TRPC3: variants seen among roughly 807,000 people sequenced by gnomAD.
TRPC3 encodes short transient receptor potential channel 3.
TRPC3 carries 54 observed loss-of-function variants against 90.9 expected under a neutral mutation model. The ratio of observed to expected loss-of-function variants is 0.59; its 90% confidence interval spans 0.48 to 0.75. The LOEUF is 0.75. Among genes scored for constraint, TRPC3 ranks in the 30% least tolerant of loss-of-function variants. The pLI, the probability that TRPC3 is intolerant of heterozygous loss-of-function variation, is 0.00. For synonymous variants in TRPC3, 424 were observed against 450.9 expected, an observed-to-expected ratio of 0.94 and a Z score of 0.75; for missense variants, 918 against 1,194.5, an observed-to-expected ratio of 0.77 and a Z score of 3.41.
intron 9 of TRPC3, among the ~76,000 whole-genome samples, chr4:121,901,585 A>C (rs1444535346): frequency 6.6e-6 from 1 of 152,258 alleles, no homozygotes; most frequent in African/African-American, 2.4e-5. Context: ...TCAAATGTAC[A>C]GGAAAGCACT....
chr4:121,904,708 G>A (rs1435233323), intron 7 of TRPC3, among the ~76,000 whole-genome samples, 191 bp from the exon 8 acceptor site: 1 of 152,134 alleles, frequency 6.6e-6, no homozygotes, highest in African/African-American at 2.4e-5. Context: ...AGGAACTGAT[G>A]ATTAAATGGT....
At chr4:121,903,111 T>C (rs1421180915) in intron 8 of TRPC3, 50 bp from the exon 9 acceptor site, 2 of 1,501,642 alleles carry the variant, frequency 1.3e-6, no homozygotes, top group Admixed American at 2.1e-5. Flanking sequence ...CTAAATATTC[T>C]AGTGACTGTT....
intron 10 of TRPC3, among the ~76,000 whole-genome samples, chr4:121,890,177 G>T (rs1172030999): frequency 3.9e-5 from 6 of 152,146 alleles, no homozygotes; most frequent in African/African-American, 1.4e-4. Flanking sequence ...AGGGGGAATG[G>T]GAAGTAGGGA....
chr4:121,879,222 A>G lies in TRPC3; in HGVS notation c.*514T>C, dbSNP rs1727856517. On this transcript the variant is annotated 3_prime_UTR_variant, in exon 12 of 12. Coordinates refer to ENST00000379645, the MANE Select transcript of TRPC3 (RefSeq NM_001130698.2). Reference sequence around the variant, plus strand: ...TCATAGCTGGTTGTAAAATGTCTTCAGTTTCTATTAAAAAAAAAAAAAAAA... The same window carrying G: ...TCATAGCTGGTTGTAAAATGTCTTCGGTTTCTATTAAAAAAAAAAAAAAAA... 6.8e-6 allele frequency: 1 copy of G among 147,206 alleles called. No homozygotes were observed. Among genetic ancestry groups the G allele is most frequent in the Non-Finnish European group, 1.5e-5 (1 of 67,316 alleles). The allele number at this position is 147,206 out of a possible 1,614,324, so 9.1% of individuals were successfully genotyped here.
rs879152703 is a variant in TRPC3, at chr4:121,951,752, C to T, written c.-72G>A. On this transcript the variant is annotated 5_prime_UTR_variant, in exon 1 of 12. Coordinates refer to ENST00000379645, the MANE Select transcript of TRPC3 (RefSeq NM_001130698.2). The surrounding 1 kb of genome is among the most constrained non-coding windows in gnomAD (Gnocchi z 4.4). The stretch of plus-strand genomic sequence containing the variant: ...TCCGCCTTCGCGGCAGTGCAGTCTT[C>T]CCGCGGCGCCCCTTCACCACCTCCC... 1.1e-5 allele frequency: 13 copies of T among 1,208,616 alleles called. No homozygotes were observed. Among genetic ancestry groups the T allele is most frequent in the African/African-American group, 6.4e-5 (4 of 62,970 alleles). The allele number at this position is 1,208,616 out of a possible 1,614,324, so 74.9% of individuals were successfully genotyped here.
At chr4:121,948,366 T>TC (rs1319728394) in intron 1 of TRPC3, among the ~76,000 whole-genome samples, 1 of 68,610 alleles carries the variant, frequency 1.5e-5, no homozygotes, top group Non-Finnish European at 3.5e-5. Context: ...TCTAGCTGGT[T>TC]TTTTTTTTTT....
intron 1 of TRPC3, among the ~76,000 whole-genome samples, chr4:121,939,541 G>A (rs35109910): frequency 0.13 from 19,245 of 152,262 alleles, 1,452 homozygotes; most frequent in South Asian, 0.2. Flanking sequence ...TCAATAAGGT[G>A]AGGAAGTACC....
chr4:121,922,176 C>T (rs532894386), intron 3 of TRPC3, among the ~76,000 whole-genome samples: 2 of 151,952 alleles, frequency 1.3e-5, no homozygotes, highest in South Asian at 2.1e-4. Flanking sequence ...CCTGCCTCGG[C>T]CCCCCAAAGT....
rs961656870 is a variant in TRPC3, at chr4:121,951,045, T to C, written c.215+421A>G. Among the ~76,000 whole-genome samples the C allele has an allele frequency of 6.6e-6, 1 of 152,140 alleles. No homozygotes were observed. Among genetic ancestry groups the C allele is most frequent in the Non-Finnish European group, 1.5e-5 (1 of 68,020 alleles). The stretch of plus-strand genomic sequence containing the variant: ...AAGTGCGCGCCTGGGTCTGTGCACA[T>C]CTTCCCCTTCCTCGGCCTCCCTGGG... On this transcript the variant is annotated intron_variant, in intron 1 of 11. Coordinates refer to ENST00000379645, the MANE Select transcript of TRPC3 (RefSeq NM_001130698.2). This position sits in a 1 kb window ranked among gnomAD's most constrained non-coding sequence, Gnocchi z 4.4.
At chr4:121,949,283 G>C (rs934302227) in intron 1 of TRPC3, among the ~76,000 whole-genome samples, 2 of 152,146 alleles carry the variant, frequency 1.3e-5, no homozygotes, top group African/African-American at 4.8e-5. Context: ...TACAGCAGGT[G>C]ACACTTTTCC....
Position 121,910,361 on chromosome 4 carries a change from G to A in TRPC3, c.1585C>T (p.Leu529Phe), listed in dbSNP as rs1246981889. Residue 529 changes from leucine (L) to phenylalanine (F), a missense_variant, in exon 6 of 12, where the codon CTC becomes TTC. By Grantham distance (22) the Leu-to-Phe change is conservative. Transcript: ENST00000379645. ...LGMMWSECKELWLEGPREYIL... is the reference protein window; with the variant it reads ...LGMMWSECKEFWLEGPREYIL... ...TATTCCCTAGGTCCTTCCAGCCAGAGCTCTTTACATTCAGACCACATCATT... is the reference window on the plus strand; with the variant it reads ...TATTCCCTAGGTCCTTCCAGCCAGAACTCTTTACATTCAGACCACATCATT... 2 of 1,613,600 alleles carry A rather than the reference G, an allele frequency of 1.2e-6. No homozygotes were observed. Among genetic ancestry groups the A allele is most frequent in the Admixed American group, 3.3e-5 (2 of 59,962 alleles).
rs1728811735 is a variant in TRPC3 at position 121,904,376 on chromosome 4, G to A, written c.2199C>T (p.Val733=). The A allele has an allele frequency of 1.9e-6, 3 of 1,598,184 alleles. No homozygotes were observed. Among genetic ancestry groups the A allele is most frequent in the African/African-American group, 1.4e-5 (1 of 73,828 alleles). ...TAGCAATTAGCATGTTGAGTAAAAC[G>A]ACCACCATAGTTACATTGTATATTC... is the stretch of plus-strand genomic sequence containing the variant. The part of the protein sequence containing the change: ...LYGIYNVTMV[V]VLLNMLIAMI... Residue 733 remains valine (V), a synonymous_variant, in exon 8 of 12, where the codon GTC becomes GTT. Coordinates refer to ENST00000379645, the MANE Select transcript of TRPC3 (RefSeq NM_001130698.2).
At chr4:121,898,358 C>A (rs1422857040) in intron 10 of TRPC3, among the ~76,000 whole-genome samples, 1 of 152,204 alleles carries the variant, frequency 6.6e-6, no homozygotes, top group Non-Finnish European at 1.5e-5. Flanking sequence ...ACCGCTTGAG[C>A]TCCACCTCCT....
intron 3 of TRPC3, 130 bp downstream of exon 3, chr4:121,924,888 A>C: frequency 9.9e-7 from 1 of 1,011,576 alleles, no homozygotes; most frequent in Non-Finnish European, 1.4e-6. Context: ...TTGTACAGAC[A>C]CAGTCTCATT....
At chr4:121,939,986 T>C (rs1730250979) in intron 1 of TRPC3, among the ~76,000 whole-genome samples, 1 of 152,196 alleles carries the variant, frequency 6.6e-6, no homozygotes, top group Admixed American at 6.5e-5. Flanking sequence ...TGAGCAAGTT[T>C]ATCCAAATAA....
At chr4:121,931,939 T>C (rs1477047694) in intron 2 of TRPC3, among the ~76,000 whole-genome samples, 1 of 152,166 alleles carries the variant, frequency 6.6e-6, no homozygotes, top group East Asian at 1.9e-4. Context: ...GAGGAAGGAT[T>C]TGGAAGACAA....
chr4:121,943,617 T>C (rs1730394656), intron 1 of TRPC3, among the ~76,000 whole-genome samples: 1 of 152,146 alleles, frequency 6.6e-6, no homozygotes, highest in Non-Finnish European at 1.5e-5. Flanking sequence ...AAATTCAGTC[T>C]ATACTTGAAC....
chr4:121,899,521 T>C (rs1728630979), intron 10 of TRPC3, 91 bp downstream of exon 10: 5 of 1,068,182 alleles, frequency 4.7e-6, no homozygotes, highest in Non-Finnish European at 7.1e-6. Context: ...ATCTCAAGAA[T>C]ATAACTCAAC....
intron 10 of TRPC3, among the ~76,000 whole-genome samples, chr4:121,897,159 T>C (rs1267605816): frequency 1.3e-5 from 2 of 151,922 alleles, no homozygotes; most frequent in East Asian, 3.9e-4. Context: ...ACCAAAGACC[T>C]AAATGTAAGA....
Sources: allele counts gnomAD v4.1 joint callset (sites outside exome capture counted in the v4.1 genomes callset), GRCh38; gene constraint gnomAD v4.1.1; non-coding constraint Gnocchi (gnomAD v3.1); transcripts MANE v1.5; gene names NCBI Gene and HGNC (gene_info 2026-07-23, HGNC 2026-07-21).